UGT1A7: variants seen among roughly 807,000 people sequenced by gnomAD.
UGT1A7 encodes the protein UDP glucuronosyltransferase family 1 member A7, also known as UDP-glucuronosyltransferase 1A7.
In UGT1A7, 33 loss-of-function variants were observed where a neutral mutation model predicts 45.6. That is an observed-to-expected ratio of 0.72 (90% CI 0.55 to 0.97). The LOEUF (loss-of-function observed/expected upper bound fraction) is 0.97. Ranked by LOEUF, UGT1A7 falls within the 50% of genes least tolerant of loss-of-function variation. The pLI is 0.00. For missense variants in UGT1A7, 684 were observed against 666.2 expected (o/e 1.03, Z -0.29); for synonymous variants, 274 against 250.6 (o/e 1.09, Z -0.88).
At chr2:233,714,779 A>T (rs2076411576) in intron 1 of UGT1A7, among the ~76,000 whole-genome samples, 1 of 152,270 alleles carries the variant, frequency 6.6e-6, no homozygotes, top group African/African-American at 2.4e-5. Flanking sequence ...AATTTGGAAT[A>T]GCCACATTTC....
chr2:233,708,857 C>T (rs986114849), intron 1 of UGT1A7, among the ~76,000 whole-genome samples: 45 of 151,194 alleles, frequency 3.0e-4, no homozygotes, highest in African/African-American at 1.1e-3. Flanking sequence ...CTTTTTTAAT[C>T]TCTTTTATTG....
intron 4 of UGT1A7, among the ~76,000 whole-genome samples, chr2:233,771,924 G>A (rs1363047939): frequency 1.3e-5 from 2 of 151,928 alleles, no homozygotes; most frequent in Non-Finnish European, 2.9e-5. Context: ...AACACAGCCT[G>A]GGCAACACAA....
At chr2:233,719,343 T>A (rs532530633) in intron 1 of UGT1A7, 40 of 1,613,928 alleles carry the variant, frequency 2.5e-5, no homozygotes, top group Middle Eastern at 1.7e-4. Flanking sequence ...TTTTTGGAGG[T>A]ACATTCCATG....
At position 233,704,019 on chromosome 2, in the gene UGT1A7, C is replaced by G. The variant is rs566457131; in HGVS notation, c.855+21227C>G. On this transcript the variant is annotated intron_variant, in intron 1 of 4. Transcript: ENST00000373426. ...AGTTCTCCCACCTCAGCCGCCCGAG[C>G]AGCTGGAACTACAGGTGTGCACCAA... is the stretch of plus-strand genomic sequence containing the variant. 2.6e-5 allele frequency among the ~76,000 whole-genome samples: 4 copies of G among 151,986 alleles called. No homozygotes were observed. In the East Asian group the frequency reaches 5.8e-4, roughly 22 times the overall value.
intron 1 of UGT1A7, among the ~76,000 whole-genome samples, chr2:233,766,787 C>G (rs1296978407): frequency 6.6e-6 from 1 of 152,170 alleles, no homozygotes; most frequent in Non-Finnish European, 1.5e-5. Flanking sequence ...TTTTGGAAAA[C>G]TAGCACATTA....
intron 1 of UGT1A7, chr2:233,742,861 T>TAG (rs1692120681): frequency 6.2e-6 from 1 of 162,394 alleles, no homozygotes; most frequent in Admixed American, 5.8e-5. Context: ...TCAAATGATT[T>TAG]AGAGCAAACC....
intron 1 of UGT1A7, among the ~76,000 whole-genome samples, chr2:233,700,016 G>A (rs1422115779): frequency 4.6e-5 from 7 of 152,224 alleles, no homozygotes; most frequent in African/African-American, 1.7e-4. Context: ...CACGAGTGCT[G>A]AAATTGAGAA....
chr2:233,739,406 C>T (rs1344467177), intron 1 of UGT1A7, among the ~76,000 whole-genome samples: 1 of 152,190 alleles, frequency 6.6e-6, no homozygotes, highest in Non-Finnish European at 1.5e-5. Context: ...CAATGCCACC[C>T]TCTGAAAGCA....
intron 1 of UGT1A7, among the ~76,000 whole-genome samples, chr2:233,700,819 C>T (rs1330583441): frequency 6.6e-6 from 1 of 151,776 alleles, no homozygotes; most frequent in Admixed American, 6.6e-5. Flanking sequence ...TGTGCTGCAC[C>T]CATTAACTCG....
rs199834645 is a variant in UGT1A7, at chr2:233,692,978, A to G, written c.855+10186A>G. On this transcript the variant is annotated intron_variant, in intron 1 of 4. Coordinates refer to ENST00000373426, the MANE Select transcript of UGT1A7 (RefSeq NM_019077.3). ...ATTTGGAGAGTGAAAACTCTTTATTACCGTTGTTACTTTAACTCTTTCCAG... is the reference window on the plus strand; with the variant it reads ...ATTTGGAGAGTGAAAACTCTTTATTGCCGTTGTTACTTTAACTCTTTCCAG... The G allele has an allele frequency of 1.2e-5, 19 of 1,612,834 alleles. No individual in the cohort carries two copies. In the African/African-American group the frequency reaches 2.1e-4, roughly 18 times the overall value.
At chr2:233,721,629 A>G (rs923769431) in intron 1 of UGT1A7, 1 of 200,638 alleles carries the variant, frequency 5.0e-6, no homozygotes, top group Non-Finnish European at 1.0e-5. Context: ...ATCAGTAAAG[A>G]TCATCTTGAA....
chr2:233,708,371 A>C (rs1463457265), intron 1 of UGT1A7: 1 of 152,140 alleles, frequency 6.6e-6, no homozygotes, highest in Non-Finnish European at 1.5e-5. Context: ...CTTCATTTAA[A>C]CGTCTTTTGT....
At position 233,729,401 on chromosome 2, in the gene UGT1A7, A is replaced by T. The variant is rs1464724125; in HGVS notation, c.856-37633A>T. Reference sequence around the variant, plus strand: ...TGGACCCAGGATGAATTTGATCGCCATGTGCTGGGCCACACTCAACTGTAC... The same window carrying T: ...TGGACCCAGGATGAATTTGATCGCCTTGTGCTGGGCCACACTCAACTGTAC... On this transcript the variant is annotated intron_variant, in intron 1 of 4. Coordinates refer to ENST00000373426, the MANE Select transcript of UGT1A7 (RefSeq NM_019077.3). 4.3e-6 allele frequency: 7 copies of T among 1,613,850 alleles called. No individual in the cohort carries two copies. Among genetic ancestry groups the T allele is most frequent in the East Asian group, 2.2e-5 (1 of 44,882 alleles).
intron 1 of UGT1A7, among the ~76,000 whole-genome samples, chr2:233,720,939 G>T (rs28899186): frequency 0.081 from 11,996 of 147,890 alleles, 613 homozygotes; most frequent in East Asian, 0.2. Context: ...TTGAACTCCT[G>T]ACCTCATGTG....
intron 1 of UGT1A7, among the ~76,000 whole-genome samples, chr2:233,750,991 C>T (rs545732182): frequency 4.6e-5 from 7 of 151,894 alleles, no homozygotes; most frequent in South Asian, 2.1e-4. Flanking sequence ...AGAAGGCGGC[C>T]ACCATCCTCC....
At chr2:233,736,409 A>C (rs752558952) in intron 1 of UGT1A7, among the ~76,000 whole-genome samples, 1 of 152,180 alleles carries the variant, frequency 6.6e-6, no homozygotes, top group Non-Finnish European at 1.5e-5. Context: ...TTAGGCATTC[A>C]TCTAACCTTT....
At chr2:233,690,939 C>T in intron 1 of UGT1A7, 1 of 1,018,018 alleles carries the variant, frequency 9.8e-7, no homozygotes, top group Non-Finnish European at 1.2e-6. Flanking sequence ...CTTCCTCCAA[C>T]TCATGTTCTG....
intron 1 of UGT1A7, chr2:233,719,128 C>G: frequency 6.2e-7 from 1 of 1,614,240 alleles, no homozygotes; most frequent in East Asian, 2.2e-5. Flanking sequence ...TTCTTTGAAA[C>G]AGAACATCTT....
rs769416194 is a variant in UGT1A7 at position 233,748,156 on chromosome 2, T to A, written c.856-18878T>A. On this transcript the variant is annotated intron_variant, in intron 1 of 4. Coordinates refer to ENST00000373426, the MANE Select transcript of UGT1A7 (RefSeq NM_019077.3). ...AAAATTGTATTTACTTACAATTGCT[T>A]CCATATCTACTTATCTTTCTGGTGC... is the stretch of plus-strand genomic sequence containing the variant. The A allele has an allele frequency of 2.7e-4, 434 of 1,601,764 alleles. 1 individual carries two copies. Among genetic ancestry groups the A allele is most frequent in the Non-Finnish European group, 3.4e-4 (402 of 1,173,972 alleles).
Sources: allele counts gnomAD v4.1 joint callset (sites outside exome capture counted in the v4.1 genomes callset), GRCh38; gene constraint gnomAD v4.1.1; transcripts MANE v1.5; gene names NCBI Gene and HGNC (gene_info 2026-07-23, HGNC 2026-07-21).